CMTM4: variants seen among roughly 807,000 people sequenced by gnomAD.
CMTM4 encodes the protein CKLF-like MARVEL transmembrane domain-containing protein 4.
CMTM4 carries 8 observed loss-of-function variants against 19.0 expected under a neutral mutation model. The ratio of observed to expected loss-of-function variants is 0.42; its 90% confidence interval spans 0.25 to 0.76. CMTM4 has a LOEUF of 0.76. Among genes scored for constraint, CMTM4 ranks in the 30% least tolerant of loss-of-function variants. CMTM4 has a pLI of 0.27. For synonymous variants in CMTM4, 106 were observed against 121.1 expected (o/e 0.88, Z 0.82); for missense variants, 228 against 290.2 (o/e 0.79, Z 1.56).
At chr16:66,630,608 G>A (rs1349893876) in intron 2 of CMTM4, among the ~76,000 whole-genome samples, 1 of 151,766 alleles carries the variant, frequency 6.6e-6, no homozygotes, top group African/African-American at 2.4e-5. Context: ...CCGAGGTGCC[G>A]GGATTGCAGA....
At chr16:66,610,080 G>A (rs1156293901), downstream of CMTM4, 4 of 1,566,476 alleles carry the variant, frequency 2.6e-6, no homozygotes, top group Non-Finnish European at 3.5e-6. The surrounding 1 kb of genome is among the most constrained non-coding windows in gnomAD (Gnocchi z 4.6). Context: ...GCTAGTTTGA[G>A]GCTGGGGTGG....
rs778272781 is a variant in CMTM4 at position 66,622,249 on chromosome 16, C to A, written c.463-27G>T. 1.2e-6 allele frequency: 2 copies of A among 1,609,746 alleles called. No homozygotes were observed. The highest frequency in any genetic ancestry group is 1.7e-6 in the Non-Finnish European group (2 of 1,178,150). On this transcript the variant is annotated intron_variant, in intron 3 of 3. Transcript: ENST00000394106. This position sits in a 1 kb window ranked among gnomAD's most constrained non-coding sequence, Gnocchi z 4.0. ...TAAAAACACACCAGCACAGTTAGTC[C>A]TCGGGCACGTGGCCTGGCCCCTCAA... is the stretch of plus-strand genomic sequence containing the variant.
downstream of CMTM4, chr16:66,612,467 G>C: frequency 5.2e-6 from 4 of 765,486 alleles, no homozygotes; most frequent in Non-Finnish European, 8.6e-6. This position sits in a 1 kb window ranked among gnomAD's most constrained non-coding sequence, Gnocchi z 6.0. Context: ...TGATGCCAGC[G>C]ATCACTGGGA....
At position 66,619,096 on chromosome 16, in the gene CMTM4, C is replaced by T; in HGVS notation, c.*2962G>A. On this transcript the variant is annotated 3_prime_UTR_variant, in exon 4 of 4. Transcript: ENST00000394106. ...TTAATCTGAAACTGCATCTGTTCTT[C>T]CCAGCTTTATGTGGGGCCAACAAGT... 2.0e-6 allele frequency: 2 copies of T among 985,492 alleles called. No homozygotes were observed. Among genetic ancestry groups the T allele is most frequent in the Non-Finnish European group, 2.4e-6 (2 of 829,946 alleles). 61.0% of individuals were successfully genotyped at this position (985,492 alleles called of 1,614,324 possible). A position where few individuals can be genotyped will look rare whatever the true frequency, so the allele number is the denominator to read the frequency against.
chr16:66,667,772 C>T (rs773095973), intron 1 of CMTM4, among the ~76,000 whole-genome samples: 1 of 151,924 alleles, frequency 6.6e-6, no homozygotes, highest in Admixed American at 6.6e-5. Flanking sequence ...GCCTGTAATC[C>T]CAGCTATTTA....
chr16:66,630,283 T>TCC (rs2015824064), intron 2 of CMTM4, among the ~76,000 whole-genome samples: 1 of 127,966 alleles, frequency 7.8e-6, no homozygotes, highest in Admixed American at 7.6e-5. Context: ...CACAAGACTT[T>TCC]CCCTCTCCCT....
chr16:66,626,114 G>GA (rs1393529324), intron 2 of CMTM4, among the ~76,000 whole-genome samples: 3 of 152,188 alleles, frequency 2.0e-5, no homozygotes, highest in Non-Finnish European at 2.9e-5. Flanking sequence ...AAATGACCCA[G>GA]TTTTTCTAAC....
At chr16:66,674,578 A>G (rs882657) in intron 1 of CMTM4, among the ~76,000 whole-genome samples, 6,533 of 152,118 alleles carry the variant, frequency 0.043, 262 homozygotes, top group East Asian at 0.15. Flanking sequence ...TTCCACTGGA[A>G]TTAGGTTCAA....
intron 1 of CMTM4, among the ~76,000 whole-genome samples, chr16:66,643,458 G>A (rs165203): frequency 0.049 from 7,425 of 152,276 alleles, 294 homozygotes; most frequent in Admixed American, 0.11. Context: ...TATGTGGGTA[G>A]TAGAGGAGAA....
At chr16:66,606,469 C>T in the CMTM4 span, among the ~76,000 whole-genome samples, 1 of 152,090 alleles carries the variant, frequency 6.6e-6, no homozygotes, top group African/African-American at 2.4e-5. Flanking sequence ...CTCAGCTGCA[C>T]CCAAGGCCAT....
chr16:66,617,182 C>G lies in CMTM4; in HGVS notation c.*4876G>C. The G allele has an allele frequency of 7.9e-7, 1 of 1,268,940 alleles. No individual in the cohort carries two copies. The highest frequency in any genetic ancestry group is 1.1e-6 in the Non-Finnish European group (1 of 900,358). The allele number at this position is 1,268,940 out of a possible 1,614,324, so 78.6% of individuals were successfully genotyped here. On this transcript the variant is annotated 3_prime_UTR_variant, in exon 4 of 4. Transcript: ENST00000394106. The stretch of plus-strand genomic sequence containing the variant: ...CCCAGGTGTCTAGATAGCAAGTCAC[C>G]TGAATTAAAGCCTCAGCATAAAAAA...
chr16:66,674,073 G>A (rs1306171758), intron 1 of CMTM4, among the ~76,000 whole-genome samples: 1 of 152,238 alleles, frequency 6.6e-6, no homozygotes, highest in African/African-American at 2.4e-5. Flanking sequence ...GCACTTGGTT[G>A]GCTTTAGGCT....
At chr16:66,658,502 G>A (rs1034161389) in intron 1 of CMTM4, among the ~76,000 whole-genome samples, 2 of 152,004 alleles carry the variant, frequency 1.3e-5, no homozygotes, top group Non-Finnish European at 2.9e-5. Flanking sequence ...CAGTTTTATC[G>A]CTCTGTGATT....
At position 66,683,146 on chromosome 16, in the gene CMTM4, TGTATATATATATAC is replaced by T. The variant is rs1270899476; in HGVS notation, c.186+13180_186+13193del. 4.3e-4 allele frequency among the ~76,000 whole-genome samples: 53 copies of T among 123,732 alleles called. No individual in the cohort carries two copies. In the East Asian group the frequency reaches 0.011, roughly 25 times the overall value. The allele number at this position is 123,732 out of a possible 152,430, so 81.2% of individuals were successfully genotyped here. The stretch of plus-strand genomic sequence containing the variant: ...GTGTGTGTGTATATATATATATATA[TGTATATATATATAC>T]GTATATATATATATACATATGTATA... On this transcript the variant is annotated intron_variant, in intron 1 of 3. Transcript: ENST00000394106.
At chr16:66,653,184 A>G (rs946963497) in intron 1 of CMTM4, among the ~76,000 whole-genome samples, 7 of 151,834 alleles carry the variant, frequency 4.6e-5, no homozygotes, top group African/African-American at 1.5e-4. Context: ...CAACCTAACA[A>G]CTCTGGCCAA....
At chr16:66,642,579 G>A (rs1378106777) in intron 1 of CMTM4, among the ~76,000 whole-genome samples, 1 of 152,100 alleles carries the variant, frequency 6.6e-6, no homozygotes, top group Non-Finnish European at 1.5e-5. Flanking sequence ...AGCTGGGTGT[G>A]GTGGCACATG....
intron 2 of CMTM4, among the ~76,000 whole-genome samples, chr16:66,630,439 C>T (rs1596910363): frequency 6.6e-6 from 1 of 151,266 alleles, no homozygotes; most frequent in Non-Finnish European, 1.5e-5. Flanking sequence ...AACCTCCCTG[C>T]CTGATTCTCC....
At chr16:66,694,395 T>C (rs905659549) in intron 1 of CMTM4, among the ~76,000 whole-genome samples, 23 of 152,100 alleles carry the variant, frequency 1.5e-4, no homozygotes, top group Admixed American at 1.2e-3. Flanking sequence ...TACTCAAACA[T>C]TGGCTAGCTG....
At chr16:66,690,283 C>A (rs923419245) in intron 1 of CMTM4, among the ~76,000 whole-genome samples, 2 of 152,178 alleles carry the variant, frequency 1.3e-5, no homozygotes, top group African/African-American at 2.4e-5. Context: ...AAACGCAGAA[C>A]CCTTCACGGT....
Sources: allele counts gnomAD v4.1 joint callset (sites outside exome capture counted in the v4.1 genomes callset), GRCh38; gene constraint gnomAD v4.1.1; non-coding constraint Gnocchi (gnomAD v3.1); transcripts MANE v1.5; gene names NCBI Gene and HGNC (gene_info 2026-07-23, HGNC 2026-07-21).